DBT: variants seen among roughly 807,000 people sequenced by gnomAD.
DBT encodes lipoamide acyltransferase component of branched-chain alpha-keto acid dehydrogenase complex, mitochondrial.
Under a neutral mutation model 51.3 loss-of-function variants are expected in DBT, and 40 were observed. The observed-to-expected ratio is 0.78, with a 90% CI of 0.61 to 1.02. The LOEUF (loss-of-function observed/expected upper bound fraction) is 1.02, where lower values mean the gene tolerates loss of function less well. Ranked by LOEUF, DBT falls within the 50% of genes least tolerant of loss-of-function variation. The probability of loss-of-function intolerance (pLI) is 0.00; values close to 1 mark genes in which losing one functional copy is unlikely to be tolerated. For synonymous variants in DBT, 181 were observed against 190.4 expected (o/e 0.95, Z 0.41); for missense variants, 510 against 580.2 (o/e 0.88, Z 1.24).
intron 3 of DBT, among the ~76,000 whole-genome samples, chr1:100,232,060 T>TC (rs2100829684): frequency 6.6e-6 from 1 of 152,334 alleles, no homozygotes; most frequent in South Asian, 2.1e-4. Flanking sequence ...TTTTAAACTT[T>TC]CAGTATTCAA....
At chr1:100,218,941 G>C (rs758741813) in intron 4 of DBT, among the ~76,000 whole-genome samples, 194 bp from the exon 5 acceptor site, 15 of 151,396 alleles carry the variant, frequency 9.9e-5, no homozygotes, top group African/African-American at 2.7e-4. Context: ...GTGGGGGGGG[G>C]GGTGTGTGCC....
intron 10 of DBT, among the ~76,000 whole-genome samples, chr1:100,205,640 C>T (rs1048194980): frequency 2.0e-5 from 3 of 152,126 alleles, no homozygotes; most frequent in Non-Finnish European, 4.4e-5. Flanking sequence ...ACTATAAAGA[C>T]ACATGCACAT....
intron 4 of DBT, among the ~76,000 whole-genome samples, chr1:100,226,253 T>C (rs1268160721): frequency 1.3e-5 from 2 of 151,440 alleles, no homozygotes; most frequent in Non-Finnish European, 2.9e-5. Flanking sequence ...ATTTTTGTTT[T>C]GTTTTTCTTT....
chr1:100,204,908 G>A lies in DBT; in HGVS notation c.1281+1322C>T, dbSNP rs146645201. ...TGGGACAACTGGCTAGCCATATGCA[G>A]AAAACTGAAACTGGACCCCTTCCTT... On this transcript the variant is annotated intron_variant, in intron 10 of 10. Transcript: ENST00000370132. Among the ~76,000 whole-genome samples, 1,138 of 152,278 alleles carry A rather than the reference G, an allele frequency of 7.5e-3. 11 individuals are homozygous for A. Among genetic ancestry groups the A allele is most frequent in the African/African-American group, 0.026 (1,071 of 41,560 alleles).
At position 100,195,190 on chromosome 1, in the gene DBT, A is replaced by G. The variant is rs1661022872; in HGVS notation, c.*1065T>C. ...AGTTAAAAGGAAGTAGACTTCTCAA[A>G]TTTTTTTTAAAAAAAGAAATGTCAG... is the stretch of plus-strand genomic sequence containing the variant. On this transcript the variant is annotated 3_prime_UTR_variant, in exon 11 of 11. Transcript: ENST00000370132. 5 of 152,468 alleles carry G rather than the reference A, an allele frequency of 3.3e-5. No homozygotes were observed. The highest frequency in any genetic ancestry group is 3.3e-4 in the Admixed American group (5 of 15,254). The allele number at this position is 152,468 out of a possible 1,614,324, so 9.4% of individuals were successfully genotyped here.
intron 2 of DBT, among the ~76,000 whole-genome samples, chr1:100,240,013 G>A (rs1252873635): frequency 6.6e-6 from 1 of 151,982 alleles, no homozygotes; most frequent in Admixed American, 6.6e-5. Context: ...CTTTATCAGG[G>A]TTCTAAATAG....
At chr1:100,218,352 A>G (rs965682469) in intron 5 of DBT, among the ~76,000 whole-genome samples, 2 of 152,200 alleles carry the variant, frequency 1.3e-5, no homozygotes, top group African/African-American at 4.8e-5. Flanking sequence ...AAGACCTGGT[A>G]TTTACAAGTG....
chr1:100,248,190 C>A (rs1053238788), intron 1 of DBT, among the ~76,000 whole-genome samples: 1 of 151,960 alleles, frequency 6.6e-6, no homozygotes, highest in Admixed American at 6.6e-5. Context: ...GAGACTGGAA[C>A]CTCCTCCTCT....
At chr1:100,201,394 G>A (rs970907982) in intron 10 of DBT, among the ~76,000 whole-genome samples, 29 of 152,124 alleles carry the variant, frequency 1.9e-4, no homozygotes, top group African/African-American at 6.3e-4. Flanking sequence ...CAAGAAATAT[G>A]AGACTATGTG....
intron 10 of DBT, among the ~76,000 whole-genome samples, chr1:100,199,560 C>T (rs778391173): frequency 1.3e-5 from 2 of 152,138 alleles, no homozygotes; most frequent in Non-Finnish European, 1.5e-5. Flanking sequence ...CCAGAAGTGC[C>T]GGCCTAGCTC....
intron 3 of DBT, among the ~76,000 whole-genome samples, chr1:100,232,313 T>C (rs974037909): frequency 6.6e-5 from 10 of 152,112 alleles, no homozygotes; most frequent in Admixed American, 5.2e-4. Context: ...TTGTTGTTGT[T>C]GTTGTTGGTA....
In DBT at chr1:100,198,511, T is replaced by C. The variant is rs185551057; in HGVS notation, c.1282-2089A>G. On this transcript the variant is annotated intron_variant, in intron 10 of 10. Coordinates refer to ENST00000370132, the MANE Select transcript of DBT (RefSeq NM_001918.5). The stretch of plus-strand genomic sequence containing the variant: ...TTTATGTTTATATATTTTACCACAA[T>C]TATATACATATACACATATAATTCA... Among the ~76,000 whole-genome samples, 338 of 152,352 alleles carry C rather than the reference T, an allele frequency of 2.2e-3. 5 individuals carry two copies. Among genetic ancestry groups the C allele is most frequent in the Admixed American group, 0.021 (316 of 15,310 alleles).
chr1:100,200,404 A>T (rs781452879), intron 10 of DBT, among the ~76,000 whole-genome samples: 18 of 152,228 alleles, frequency 1.2e-4, no homozygotes, highest in Non-Finnish European at 2.5e-4. Flanking sequence ...CAGCAGCACC[A>T]GTCAGGGGCT....
At chr1:100,199,561 G>A (rs1661312161) in intron 10 of DBT, among the ~76,000 whole-genome samples, 1 of 152,132 alleles carries the variant, frequency 6.6e-6, no homozygotes, top group Admixed American at 6.6e-5. Flanking sequence ...CAGAAGTGCC[G>A]GCCTAGCTCT....
rs58607634 is a variant in DBT, at chr1:100,195,911, C to T, written c.*344G>A. On this transcript the variant is annotated 3_prime_UTR_variant, in exon 11 of 11. Transcript: ENST00000370132. Reference sequence around the variant, plus strand: ...AACTTCTAACCTCAGGTGATCCGCCCACCTGGGCCTCCCAAAGTGCTGGGA... The same window carrying T: ...AACTTCTAACCTCAGGTGATCCGCCTACCTGGGCCTCCCAAAGTGCTGGGA... 3.3e-6 allele frequency: 1 copy of T among 304,048 alleles called. No individual in the cohort carries two copies. Among genetic ancestry groups the T allele is most frequent in the Non-Finnish European group, 6.3e-6 (1 of 158,332 alleles). 18.8% of individuals were successfully genotyped at this position (304,048 alleles called of 1,614,324 possible).
chr1:100,226,816 T>C (rs1260358309), intron 4 of DBT, among the ~76,000 whole-genome samples: 1 of 152,108 alleles, frequency 6.6e-6, no homozygotes, highest in Non-Finnish European at 1.5e-5. Flanking sequence ...ATAGAACACA[T>C]AGGAGCCAGG....
chr1:100,205,441 C>T (rs1442296287), intron 10 of DBT, among the ~76,000 whole-genome samples: 2 of 152,060 alleles, frequency 1.3e-5, no homozygotes, highest in Non-Finnish European at 2.9e-5. Flanking sequence ...ATTAAAAAGG[C>T]AGGAAATAAC....
Position 100,206,299 on chromosome 1 carries a change from A to G in DBT, c.1212T>C (p.Ile404=). 6.2e-7 allele frequency: 1 copy of G among 1,610,738 alleles called. No individual in the cohort carries two copies. The highest frequency in any genetic ancestry group is 8.5e-7 in the Non-Finnish European group (1 of 1,178,024). ...TCACTGGTTTGGCAAAGGTACCACC[A>G]ATCTATTTTTTAAAAAAAAAAAAAG... ...GTFTLSNIGS[I]GGTFAKPVIM... The change falls in exon 10 of 11, where the codon ATT becomes ATC. Residue 404 remains isoleucine (I), a splice_region_variant and synonymous_variant. Transcript: ENST00000370132.
rs559727913 is a variant in DBT, at chr1:100,248,236, G to A, written c.51+1534C>T. On this transcript the variant is annotated intron_variant, in intron 1 of 10. Coordinates refer to ENST00000370132, the MANE Select transcript of DBT (RefSeq NM_001918.5). ...TGCCTTCAACATAAAAGAAGAAGTC[G>A]TAGCAGCCCTCTTGTATACAGTAGG... Among the ~76,000 whole-genome samples the A allele has an allele frequency of 2.0e-5, 3 of 152,216 alleles. No individual in the cohort carries two copies. The South Asian group carries it at 6.2e-4, about 32-fold the overall frequency.
Sources: allele counts gnomAD v4.1 joint callset (sites outside exome capture counted in the v4.1 genomes callset), GRCh38; gene constraint gnomAD v4.1.1; transcripts MANE v1.5; gene names NCBI Gene and HGNC (gene_info 2026-07-23, HGNC 2026-07-21).